The following HCN1 variants were observed in gnomAD, a reference collection of about 807,000 sequenced individuals.
The protein encoded by HCN1 is potassium/sodium hyperpolarization-activated cyclic nucleotide-gated channel 1.
HCN1 carries 13 observed loss-of-function variants against 78.9 expected under a neutral mutation model. That is an observed-to-expected ratio of 0.16 (90% CI 0.11 to 0.26). The LOEUF (loss-of-function observed/expected upper bound fraction) is 0.26. Among genes scored for constraint, HCN1 ranks in the 10% least tolerant of loss-of-function variants. The probability of loss-of-function intolerance (pLI) is 1.00; values close to 1 mark genes in which losing one functional copy is unlikely to be tolerated. For synonymous variants in HCN1, 552 were observed against 455.5 expected (o/e 1.21, Z -2.70); for missense variants, 810 against 1,154.3 (o/e 0.70, Z 4.32).
rs373497410 is a variant in HCN1, at chr5:45,584,055, C to T, written c.849+61130G>A. On this transcript the variant is annotated intron_variant, in intron 2 of 7. Coordinates refer to ENST00000303230, the MANE Select transcript of HCN1 (RefSeq NM_021072.4). ...AGATGTCTATTAGGTCCGCTTGCTG[C>T]AGAGCTGAGTTCAATTCCTGGATAT... Among the ~76,000 whole-genome samples the T allele has an allele frequency of 5.5e-4, 84 of 152,230 alleles. 1 individual carries two copies. The East Asian group carries it at 0.012, about 21-fold the overall frequency.
chr5:45,420,214 A>G (rs1740199530), intron 3 of HCN1, among the ~76,000 whole-genome samples: 1 of 152,182 alleles, frequency 6.6e-6, no homozygotes, highest in Admixed American at 6.5e-5. Flanking sequence ...GACAGTTGGT[A>G]TCTGTTTTTT....
At chr5:45,568,847 T>C (rs1217188956) in intron 2 of HCN1, among the ~76,000 whole-genome samples, 1 of 152,110 alleles carries the variant, frequency 6.6e-6, no homozygotes, top group Non-Finnish European at 1.5e-5. Flanking sequence ...GCAAACTAAG[T>C]ATTTTAAACT....
chr5:45,596,308 A>T (rs1415132053), intron 2 of HCN1, among the ~76,000 whole-genome samples: 2 of 152,282 alleles, frequency 1.3e-5, no homozygotes, highest in East Asian at 1.9e-4. Flanking sequence ...GAGGCAATTA[A>T]AAAAGGCAGT....
rs767166082 is a variant in HCN1, at chr5:45,262,095, G to A, written c.2499C>T (p.Ser833=). The A allele has an allele frequency of 6.2e-6, 10 of 1,612,858 alleles. No individual in the cohort carries two copies. In the South Asian group the frequency reaches 9.9e-5, roughly 16 times the overall value. Residue 833 remains serine (S), a synonymous_variant, in exon 8 of 8, where the codon AGC becomes AGT. Coordinates refer to ENST00000303230, the MANE Select transcript of HCN1 (RefSeq NM_021072.4). ...AGAGGGTGACGCGCTGCGGGACAGT[G>A]CTCCTGCCCCCTGCCTGAAGGCCCG... The part of the protein sequence containing the change: ...PGTGLQAGGR[S]TVPQRVTLFR...
intron 2 of HCN1, among the ~76,000 whole-genome samples, chr5:45,597,332 A>C (rs1744521979): frequency 6.6e-6 from 1 of 152,210 alleles, no homozygotes; most frequent in South Asian, 2.1e-4. Context: ...TGATTATCTC[A>C]ATAGATGCAG....
chr5:45,567,548 C>A (rs372091755), intron 2 of HCN1, among the ~76,000 whole-genome samples: 10 of 136,078 alleles, frequency 7.3e-5, no homozygotes, highest in African/African-American at 2.2e-4. Flanking sequence ...AAGGAGAGGG[C>A]ATTTTAGGCT....
intron 2 of HCN1, among the ~76,000 whole-genome samples, chr5:45,570,429 T>C (rs765913203): frequency 1.3e-5 from 2 of 152,144 alleles, no homozygotes; most frequent in African/African-American, 2.4e-5. Flanking sequence ...AACAGTCTTT[T>C]GGCAATAATC....
At chr5:45,461,467 G>C (rs771590576) in intron 3 of HCN1, among the ~76,000 whole-genome samples, 3 of 152,082 alleles carry the variant, frequency 2.0e-5, no homozygotes, top group Non-Finnish European at 2.9e-5. Context: ...AAAAGTGTAT[G>C]TCTTGAACCT....
intron 4 of HCN1, among the ~76,000 whole-genome samples, chr5:45,385,752 T>C (rs1747896098): frequency 6.6e-6 from 1 of 152,200 alleles, no homozygotes; most frequent in Non-Finnish European, 1.5e-5. Context: ...AATGTAAGTT[T>C]CGGTGAATTG....
chr5:45,502,492 C>T (rs541539105), intron 2 of HCN1, among the ~76,000 whole-genome samples: 69 of 152,260 alleles, frequency 4.5e-4, no homozygotes, highest in African/African-American at 1.6e-3. Context: ...ATTAAACTAT[C>T]TTGGCTAAAA....
intron 2 of HCN1, among the ~76,000 whole-genome samples, chr5:45,589,759 A>G (rs1395942546): frequency 6.6e-6 from 1 of 152,122 alleles, no homozygotes; most frequent in African/African-American, 2.4e-5. Context: ...AATAATTTTT[A>G]TTTATCTGAT....
intron 3 of HCN1, among the ~76,000 whole-genome samples, chr5:45,454,014 G>C (rs1053775586): frequency 1.3e-5 from 2 of 152,014 alleles, no homozygotes; most frequent in African/African-American, 4.8e-5. Flanking sequence ...ATGTAAGCGG[G>C]AACAAAAACA....
At chr5:45,365,785 T>TA (rs1747223175) in intron 4 of HCN1, among the ~76,000 whole-genome samples, 2 of 151,912 alleles carry the variant, frequency 1.3e-5, no homozygotes, top group South Asian at 2.1e-4. Context: ...TTATTTTTTT[T>TA]AAAAAAGACT....
At chr5:45,263,408 A>C (rs1744790234) in intron 7 of HCN1, among the ~76,000 whole-genome samples, 1 of 152,182 alleles carries the variant, frequency 6.6e-6, no homozygotes, top group Admixed American at 6.5e-5. Context: ...CATATACACA[A>C]AAAAGTGATT....
chr5:45,374,262 A>AAC (rs1309456055), intron 4 of HCN1, among the ~76,000 whole-genome samples: 1 of 115,406 alleles, frequency 8.7e-6, no homozygotes, highest in Non-Finnish European at 1.7e-5. Flanking sequence ...TTATATACAT[A>AAC]ACATATATAT....
chr5:45,471,386 G>A (rs1408332959), intron 2 of HCN1, among the ~76,000 whole-genome samples: 1 of 151,866 alleles, frequency 6.6e-6, no homozygotes, highest in Non-Finnish European at 1.5e-5. Flanking sequence ...CCACTGTACA[G>A]ATTGGCCCCC....
chr5:45,602,456 G>T (rs142512972), intron 2 of HCN1, among the ~76,000 whole-genome samples: 2 of 152,146 alleles, frequency 1.3e-5, no homozygotes, highest in East Asian at 3.9e-4. Context: ...AGACAAAACT[G>T]GCCGACATCT....
At chr5:45,643,098 C>T (rs1466219851) in intron 2 of HCN1, 2 of 152,066 alleles carry the variant, frequency 1.3e-5, no homozygotes, top group African/African-American at 2.4e-5. Flanking sequence ...ATAATGATAG[C>T]AGTGAGCTGA....
intron 6 of HCN1, among the ~76,000 whole-genome samples, chr5:45,302,013 A>G (rs978839618): frequency 1.3e-5 from 2 of 152,130 alleles, no homozygotes; most frequent in Admixed American, 6.6e-5. Flanking sequence ...GAACAAAAAA[A>G]TAAATCCAAG....
Sources: gnomAD v4.1 joint callset for allele counts (sites outside exome capture counted in the v4.1 genomes callset) on GRCh38, gnomAD v4.1.1 for gene constraint, MANE v1.5 for transcripts, NCBI Gene and HGNC (gene_info 2026-07-23, HGNC 2026-07-21) for gene names.